Variants in COBL observed in about 807,000 individuals in gnomAD.
COBL encodes cordon-bleu WH2 repeat protein.
A neutral mutation model predicts 98.8 loss-of-function variants in COBL; 51 were observed. The ratio of observed to expected loss-of-function variants is 0.52; its 90% CI spans 0.41 to 0.65. COBL has a LOEUF of 0.65. COBL is among the 30% of genes least tolerant of loss of function. COBL has a pLI of 0.00. For missense variants in COBL, 1,617 were observed against 1,617.5 expected (o/e 1.00, Z 0.01); for synonymous variants, 634 against 651.7 (o/e 0.97, Z 0.41).
chr7:51,223,894 A>G (rs979745083), intron 1 of COBL, among the ~76,000 whole-genome samples: 13 of 152,226 alleles, frequency 8.5e-5, no homozygotes, highest in African/African-American at 3.1e-4. Flanking sequence ...TGTATTCTCA[A>G]TATGTAGCAT....
intron 5 of COBL, among the ~76,000 whole-genome samples, chr7:51,140,657 C>T (rs1017829261): frequency 1.3e-5 from 2 of 152,210 alleles, no homozygotes; most frequent in Admixed American, 6.5e-5. Context: ...CAAAACACTA[C>T]TCCACTGACA....
chr7:51,047,974 G>A (rs1197314784), intron 7 of COBL, among the ~76,000 whole-genome samples: 1 of 152,082 alleles, frequency 6.6e-6, no homozygotes, highest in African/African-American at 2.4e-5. Flanking sequence ...CGAGACCAGC[G>A]TGGCCAACAT....
intron 1 of COBL, among the ~76,000 whole-genome samples, chr7:51,262,805 T>A (rs1310506777): frequency 1.3e-5 from 2 of 152,088 alleles, no homozygotes; most frequent in Non-Finnish European, 2.9e-5. Flanking sequence ...AGGGCAATAA[T>A]GAAGAAGCTG....
intron 12 of COBL, among the ~76,000 whole-genome samples, chr7:51,021,573 T>C (rs1304939405): frequency 2.0e-5 from 3 of 152,134 alleles, no homozygotes. Context: ...AGCAATCCTC[T>C]TGCCTCAGCC....
rs2129046360 is a variant in COBL at position 51,175,307 on chromosome 7, A to G, written c.783+8795T>C. On this transcript the variant is annotated intron_variant, in intron 5 of 12. Coordinates refer to ENST00000265136, the MANE Select transcript of COBL (RefSeq NM_015198.5). ...TTTAAAAAATTTGTGACCAATTCCT[A>G]TTAGTTTTATACCAAAAGGTGCATG... 2.6e-5 allele frequency among the ~76,000 whole-genome samples: 4 copies of G among 152,332 alleles called. 1 individual carries two copies. In the Middle Eastern group the frequency reaches 0.01, roughly 389 times the overall value.
intron 2 of COBL, among the ~76,000 whole-genome samples, chr7:51,196,122 T>C (rs1415286822): frequency 6.6e-6 from 1 of 152,206 alleles, no homozygotes; most frequent in African/African-American, 2.4e-5. Context: ...CAGTATGATC[T>C]TGGCTGTGAA....
intron 7 of COBL, among the ~76,000 whole-genome samples, chr7:51,067,024 A>G (rs916506824): frequency 2.0e-5 from 3 of 152,250 alleles, no homozygotes; most frequent in African/African-American, 7.2e-5. Context: ...AGGCCTGACA[A>G]TAACTTCTGG....
intron 1 of COBL, among the ~76,000 whole-genome samples, chr7:51,303,331 C>A (rs865956364): frequency 3.3e-5 from 5 of 152,130 alleles, no homozygotes; most frequent in Non-Finnish European, 7.3e-5. Flanking sequence ...GAGGCCAAGG[C>A]GGCCAGATTG....
chr7:51,282,672 C>T (rs1215917009), intron 1 of COBL, among the ~76,000 whole-genome samples: 2 of 152,006 alleles, frequency 1.3e-5, no homozygotes, highest in East Asian at 3.9e-4. Flanking sequence ...TATAGAAGAA[C>T]TCACAAATAC....
intron 1 of COBL, among the ~76,000 whole-genome samples, chr7:51,234,702 G>GAAAAAAAAAAAAAAAAA (rs71021761): frequency 8.8e-6 from 1 of 114,034 alleles, no homozygotes; most frequent in East Asian, 2.5e-4. Context: ...CCCTGTTTCA[G>GAAAAAAAAAAAAAAAAA]AAAAAAAAAA....
intron 5 of COBL, among the ~76,000 whole-genome samples, chr7:51,178,338 A>G (rs1293716348): frequency 6.6e-6 from 1 of 152,212 alleles, no homozygotes; most frequent in African/African-American, 2.4e-5. Flanking sequence ...AAAATGAAAA[A>G]TATTGCAAAA....
intron 2 of COBL, among the ~76,000 whole-genome samples, chr7:51,206,231 C>T (rs908457333): frequency 1.9e-4 from 29 of 152,286 alleles, no homozygotes; most frequent in African/African-American, 5.5e-4. Flanking sequence ...GTGGTTCACA[C>T]CTGTAATCCT....
chr7:51,045,286 T>G (rs1400109348), intron 7 of COBL, among the ~76,000 whole-genome samples: 3 of 152,226 alleles, frequency 2.0e-5, no homozygotes, highest in Non-Finnish European at 4.4e-5. Context: ...AGTAAGGTAA[T>G]GCTGCTGCCC....
intron 1 of COBL, among the ~76,000 whole-genome samples, chr7:51,293,820 C>CTG (rs1801133215): frequency 6.6e-6 from 1 of 152,124 alleles, no homozygotes; most frequent in African/African-American, 2.4e-5. Flanking sequence ...GTAAGGGGTG[C>CTG]TGGATCATGC....
At chr7:51,241,055 T>C (rs1250902712) in intron 1 of COBL, among the ~76,000 whole-genome samples, 1 of 152,160 alleles carries the variant, frequency 6.6e-6, no homozygotes, top group African/African-American at 2.4e-5. Context: ...GATCCAGCCT[T>C]TCCCTGCCCC....
intron 1 of COBL, among the ~76,000 whole-genome samples, chr7:51,227,908 T>G (rs1056302814): frequency 6.6e-6 from 1 of 152,148 alleles, no homozygotes; most frequent in Non-Finnish European, 1.5e-5. Context: ...AAGATCCAGA[T>G]AAGTAAGGGC....
At chr7:51,149,688 C>T (rs541572779) in intron 5 of COBL, among the ~76,000 whole-genome samples, 2 of 152,296 alleles carry the variant, frequency 1.3e-5, no homozygotes, top group Admixed American at 6.5e-5. Flanking sequence ...CTCACTGCTA[C>T]CTCCTCCTCC....
chr7:51,259,402 C>T (rs1797509976), intron 1 of COBL: 1 of 431,330 alleles, frequency 2.3e-6, no homozygotes, highest in Non-Finnish European at 4.2e-6. Flanking sequence ...AGCCCAAGGG[C>T]AGTTTTCAGC....
chr7:51,144,310 G>T (rs1189977284), intron 5 of COBL, among the ~76,000 whole-genome samples: 1 of 152,164 alleles, frequency 6.6e-6, no homozygotes, highest in Non-Finnish European at 1.5e-5. Context: ...TCACAGCTAA[G>T]GAAACTCAGG....
Sources: gnomAD v4.1 joint callset for allele counts (sites outside exome capture counted in the v4.1 genomes callset) on GRCh38, gnomAD v4.1.1 for gene constraint, MANE v1.5 for transcripts, NCBI Gene and HGNC (gene_info 2026-07-23, HGNC 2026-07-21) for gene names.